SMIM14: variants seen among roughly 807,000 people sequenced by gnomAD.
The protein encoded by SMIM14 is chromosome 4 open reading frame 34.
A neutral mutation model predicts 12.6 loss-of-function variants in SMIM14; 5 were observed. The ratio of observed to expected loss-of-function variants is 0.40; its 90% CI spans 0.21 to 0.83. SMIM14 has a LOEUF of 0.83. SMIM14 is among the 40% of genes least tolerant of loss of function. The pLI, the probability that SMIM14 is intolerant of heterozygous loss-of-function variation, is 0.37. For synonymous variants in SMIM14, 30 were observed against 40.1 expected (o/e 0.75, Z 0.95); for missense variants, 86 against 119.1 (o/e 0.72, Z 1.29).
chr4:39,588,421 C>T (rs946242304), intron 2 of SMIM14, among the ~76,000 whole-genome samples: 4 of 152,116 alleles, frequency 2.6e-5, no homozygotes, highest in African/African-American at 9.7e-5. Context: ...CCTAAATACA[C>T]AGTTCAAAAT....
At chr4:39,591,608 T>C (rs1230678220) in intron 2 of SMIM14, among the ~76,000 whole-genome samples, 1 of 151,990 alleles carries the variant, frequency 6.6e-6, no homozygotes, top group African/African-American at 2.4e-5. Flanking sequence ...CAGGATGGAG[T>C]GCAGTGGTGT....
intron 1 of SMIM14, among the ~76,000 whole-genome samples, chr4:39,617,123 AT>A (rs1287218428): frequency 3.3e-5 from 5 of 152,186 alleles, no homozygotes; most frequent in South Asian, 2.1e-4. Flanking sequence ...ATTTACATAT[AT>A]GTACAAAATT....
chr4:39,630,948 T>G (rs760362457), intron 1 of SMIM14, among the ~76,000 whole-genome samples: 26 of 151,282 alleles, frequency 1.7e-4, no homozygotes, highest in Non-Finnish European at 3.4e-4. Flanking sequence ...AACAAACAGA[T>G]TTTAAAAGTC....
chr4:39,614,062 G>A (rs1715126154), intron 1 of SMIM14, among the ~76,000 whole-genome samples: 1 of 151,490 alleles, frequency 6.6e-6, no homozygotes, highest in African/African-American at 2.4e-5. Flanking sequence ...GCATGGTGGT[G>A]CACGGCTGTA....
chr4:39,636,309 G>A (rs1228313080), intron 1 of SMIM14, among the ~76,000 whole-genome samples: 2 of 151,630 alleles, frequency 1.3e-5, no homozygotes, highest in African/African-American at 2.4e-5. Context: ...ATCTTTACCC[G>A]AATCAAACCA....
At chr4:39,635,323 C>A (rs1716050366) in intron 1 of SMIM14, among the ~76,000 whole-genome samples, 1 of 152,156 alleles carries the variant, frequency 6.6e-6, no homozygotes, top group Admixed American at 6.6e-5. Context: ...GAAGGCAGTG[C>A]TGAAACATGT....
At chr4:39,629,360 C>CAAAAAAAAAA (rs11459763) in intron 1 of SMIM14, among the ~76,000 whole-genome samples, 6 of 80,492 alleles carry the variant, frequency 7.5e-5, no homozygotes, top group Non-Finnish European at 1.3e-4. Context: ...GACTCTGTCT[C>CAAAAAAAAAA]AAAAAAAAAA....
At chr4:39,616,075 T>C (rs998289585) in intron 1 of SMIM14, among the ~76,000 whole-genome samples, 12 of 152,230 alleles carry the variant, frequency 7.9e-5, no homozygotes, top group Admixed American at 5.9e-4. Flanking sequence ...TCTGCTAGGC[T>C]ATTCCACTGA....
chr4:39,546,848 A>ATGAG lies in SMIM14; in HGVS notation c.*5274_*5277dup, dbSNP rs1291919348. On this transcript the variant is annotated 3_prime_UTR_variant, in exon 5 of 5. Coordinates refer to ENST00000295958, the MANE Select transcript of SMIM14 (RefSeq NM_174921.3). ...GCAGTGTTACTATTTTTACATGTAT[A>ATGAG]TGAGTATTCATGACCTTTAATGTCT... 2.0e-5 allele frequency: 3 copies of ATGAG among 152,240 alleles called. No individual in the cohort carries two copies. The highest frequency in any genetic ancestry group is 1.9e-4 in the East Asian group (1 of 5,206). The allele number at this position is 152,240 out of a possible 1,614,324, so 9.4% of individuals were successfully genotyped here. A position where few individuals can be genotyped will look rare whatever the true frequency, so the allele number is the denominator to read the frequency against.
intron 3 of SMIM14, among the ~76,000 whole-genome samples, chr4:39,563,412 A>C (rs1158702977): frequency 6.6e-6 from 1 of 152,200 alleles, no homozygotes; most frequent in African/African-American, 2.4e-5. Context: ...GCATCAGAAT[A>C]GCCTGTGACA....
Position 39,550,261 on chromosome 4 carries a change from A to G in SMIM14, c.*1865T>C, listed in dbSNP as rs1578302065. The G allele has an allele frequency of 6.6e-6, 1 of 152,302 alleles. No homozygotes were observed. Among genetic ancestry groups the G allele is most frequent in the Middle Eastern group, 3.4e-3 (1 of 294 alleles). 9.4% of individuals were successfully genotyped at this position (152,302 alleles called of 1,614,324 possible). On this transcript the variant is annotated 3_prime_UTR_variant, in exon 5 of 5. Transcript: ENST00000295958. ...TTGCTAGGAAAAAAACTTCATAACCATATGGGTCATGCAGACATTTTTATT... is the reference window on the plus strand; with the variant it reads ...TTGCTAGGAAAAAAACTTCATAACCGTATGGGTCATGCAGACATTTTTATT...
chr4:39,595,565 T>C (rs1277036363), intron 2 of SMIM14, among the ~76,000 whole-genome samples: 1 of 151,454 alleles, frequency 6.6e-6, no homozygotes, highest in Non-Finnish European at 1.5e-5. Context: ...AATAATAAAA[T>C]AAAAGAGTTT....
intron 2 of SMIM14, among the ~76,000 whole-genome samples, chr4:39,580,620 A>G (rs1057213309): frequency 1.3e-5 from 2 of 151,958 alleles, no homozygotes; most frequent in African/African-American, 4.8e-5. Flanking sequence ...TCTGCCTCCC[A>G]GGTTCAAGCA....
intron 1 of SMIM14, among the ~76,000 whole-genome samples, chr4:39,613,459 G>T (rs115986871): frequency 0.023 from 3,474 of 152,172 alleles, 152 homozygotes; most frequent in African/African-American, 0.077. Context: ...ATCACTGGGG[G>T]TTTTTTTGAA....
intron 2 of SMIM14, among the ~76,000 whole-genome samples, chr4:39,599,489 A>G (rs1714513289): frequency 6.6e-6 from 1 of 152,180 alleles, no homozygotes; most frequent in Non-Finnish European, 1.5e-5. Flanking sequence ...TGATCCATAA[A>G]GAGGCTAAAT....
chr4:39,619,748 AATT>A (rs1166696826), intron 1 of SMIM14, among the ~76,000 whole-genome samples: 1 of 40,560 alleles, frequency 2.5e-5, no homozygotes, highest in African/African-American at 7.5e-5. Flanking sequence ...CAATAAATAT[AATT>A]TATTATATAT....
intron 2 of SMIM14, 49 bp from the exon 3 acceptor site, chr4:39,572,512 G>A: frequency 6.8e-7 from 1 of 1,463,204 alleles, no homozygotes; most frequent in Non-Finnish European, 9.5e-7. Flanking sequence ...AAACAAAAGT[G>A]GACCATAATT....
At chr4:39,573,624 G>A (rs1180165342) in intron 2 of SMIM14, among the ~76,000 whole-genome samples, 1 of 152,146 alleles carries the variant, frequency 6.6e-6, no homozygotes, top group African/African-American at 2.4e-5. Flanking sequence ...AAGGGAAAGT[G>A]CTAAACTGTA....
At chr4:39,573,174 C>A (rs905852427) in intron 2 of SMIM14, among the ~76,000 whole-genome samples, 2 of 151,944 alleles carry the variant, frequency 1.3e-5, no homozygotes, top group Non-Finnish European at 2.9e-5. Context: ...CAGCTCACTG[C>A]AACCTCCGCC....
Sources: allele counts gnomAD v4.1 joint callset (sites outside exome capture counted in the v4.1 genomes callset), GRCh38; gene constraint gnomAD v4.1.1; transcripts MANE v1.5; gene names NCBI Gene and HGNC (gene_info 2026-07-23, HGNC 2026-07-21).